IL5RA: variants seen among roughly 807,000 people sequenced by gnomAD.
IL5RA encodes the protein interleukin-5 receptor subunit alpha.
IL5RA carries 49 observed loss-of-function variants against 50.0 expected under a neutral mutation model. That is an observed-to-expected ratio of 0.98 (90% confidence interval 0.78 to 1.24). The LOEUF (loss-of-function observed/expected upper bound fraction) is 1.24, where lower values mean the gene tolerates loss of function less well. IL5RA is among the 50% of genes most tolerant of loss of function. The pLI is 0.00. For missense variants in IL5RA, 600 were observed against 500.4 expected (o/e 1.20, Z -1.90); for synonymous variants, 202 against 174.0 (o/e 1.16, Z -1.26).
At chr3:3,102,596 A>T in intron 4 of IL5RA, 79 bp downstream of exon 4, 1 of 1,049,828 alleles carries the variant, frequency 9.5e-7, no homozygotes, top group South Asian at 1.7e-5. Context: ...TTTTAATCCA[A>T]AATTTTATTT....
intron 10 of IL5RA, 101 bp downstream of exon 10, chr3:3,076,430 A>G (rs1702484984): frequency 2.7e-6 from 2 of 737,530 alleles, no homozygotes; most frequent in Non-Finnish European, 4.6e-6. Flanking sequence ...CACAAATTTT[A>G]CCTGATAATA....
rs1181176253 is a variant in IL5RA, at chr3:3,110,289, AG to A, written c.-491del. The A allele has an allele frequency of 6.6e-6, 1 of 152,234 alleles. No homozygotes were observed. The highest frequency in any genetic ancestry group is 2.4e-5 in the African/African-American group (1 of 41,448). 9.4% of individuals were successfully genotyped at this position (152,234 alleles called of 1,614,324 possible). A position where few individuals can be genotyped will look rare whatever the true frequency, so the allele number is the denominator to read the frequency against. On this transcript the variant is annotated 5_prime_UTR_variant, in exon 1 of 12. Transcript: ENST00000446632. ...CTTTCAGAGTTGGTTTGCTCTCTTC[AG>A]GAGTGGGAATTAACTTTTACTCATG...
At chr3:3,101,615 T>C (rs1703656196) in intron 5 of IL5RA, 77 bp downstream of exon 5, 3 of 1,442,718 alleles carry the variant, frequency 2.1e-6, no homozygotes, top group Non-Finnish European at 2.9e-6. Flanking sequence ...GAAAAGTGGG[T>C]TAGTGTTAAT....
At chr3:3,073,375 C>T (rs1439398626) in intron 11 of IL5RA, among the ~76,000 whole-genome samples, 3 of 152,170 alleles carry the variant, frequency 2.0e-5, no homozygotes, top group Admixed American at 6.5e-5. Context: ...ACTACAGCCG[C>T]GGGCCAAATC....
intron 9 of IL5RA, among the ~76,000 whole-genome samples, chr3:3,087,197 G>A (rs2125965982): frequency 6.6e-6 from 1 of 152,274 alleles, no homozygotes; most frequent in African/African-American, 2.4e-5. Context: ...AAAACCACTT[G>A]TACCCCTAAA....
At chr3:3,090,869 G>A (rs992282160) in intron 9 of IL5RA, among the ~76,000 whole-genome samples, 9 of 151,924 alleles carry the variant, frequency 5.9e-5, no homozygotes, top group African/African-American at 1.9e-4. Context: ...CACCACGCCC[G>A]GCCAACACAG....
In IL5RA at chr3:3,092,438, C is replaced by A; in HGVS notation, c.856-76G>T. ...TCTGCCGATTATCAGAATGGGAGGTCCTATATAGGTCATGTGACTCACTGT... is the reference window on the plus strand; with the variant it reads ...TCTGCCGATTATCAGAATGGGAGGTACTATATAGGTCATGTGACTCACTGT... On this transcript the variant is annotated intron_variant, in intron 8 of 11. Transcript: ENST00000446632. The surrounding 1 kb of genome is among the most constrained non-coding windows in gnomAD (Gnocchi z 4.2). The A allele has an allele frequency of 7.4e-7, 1 of 1,347,838 alleles. No homozygotes were observed. The highest frequency in any genetic ancestry group is 1.8e-5 in the Admixed American group (1 of 56,586). The allele number at this position is 1,347,838 out of a possible 1,614,324, so 83.5% of individuals were successfully genotyped here.
intron 4 of IL5RA, 152 bp downstream of exon 4, chr3:3,102,523 G>A (rs1204623838): frequency 7.5e-6 from 4 of 534,542 alleles, no homozygotes; most frequent in African/African-American, 4.0e-5. Context: ...TAGCTCACAG[G>A]CATTCTTAGA....
chr3:3,102,043 C>T (rs558982910), intron 4 of IL5RA, among the ~76,000 whole-genome samples: 4 of 152,226 alleles, frequency 2.6e-5, no homozygotes, highest in Admixed American at 2.0e-4. Context: ...TAAATACAAG[C>T]GAAATATTAC....
chr3:3,108,234 A>AC (rs1245195744), intron 2 of IL5RA, among the ~76,000 whole-genome samples: 1 of 152,166 alleles, frequency 6.6e-6, no homozygotes, highest in African/African-American at 2.4e-5. Flanking sequence ...ATATTGCATT[A>AC]CCCCCCAATG....
In IL5RA at chr3:3,070,038, G is replaced by A. The variant is rs1574970643; in HGVS notation, c.*187C>T. The A allele has an allele frequency of 1.3e-5, 7 of 539,308 alleles. No individual in the cohort carries two copies. In the East Asian group the frequency reaches 2.3e-4, roughly 17 times the overall value. 33.4% of individuals were successfully genotyped at this position (539,308 alleles called of 1,614,324 possible). On this transcript the variant is annotated 3_prime_UTR_variant, in exon 12 of 12. Transcript: ENST00000446632. ...GAGTCAACTTCCCTGCTGTAGGTGAGGCGATTTGGATGAAGCATCCATACT... is the reference window on the plus strand; with the variant it reads ...GAGTCAACTTCCCTGCTGTAGGTGAAGCGATTTGGATGAAGCATCCATACT...
rs559297933 is a variant in IL5RA, at chr3:3,083,532, A to G, written c.995-6905T>C. On this transcript the variant is annotated intron_variant, in intron 9 of 11. Transcript: ENST00000446632. ...CTGCAATATCCCCCAGTAGGACTAGACTTGATGAAGTTGAGTGGGGAATTC... is the reference window on the plus strand; with the variant it reads ...CTGCAATATCCCCCAGTAGGACTAGGCTTGATGAAGTTGAGTGGGGAATTC... 2.0e-5 allele frequency among the ~76,000 whole-genome samples: 3 copies of G among 152,278 alleles called. 1 individual carries two copies. The East Asian group carries it at 5.8e-4, about 29-fold the overall frequency.
rs766102744 is a variant in IL5RA, at chr3:3,098,141, A to G, written c.517T>C (p.Tyr173His). The change falls in exon 6 of 12, where the codon TAT becomes CAT. Residue 173 changes from tyrosine (Y) to histidine (H), a missense_variant. Transcript: ENST00000446632. ...AAAAATAGGTACAGTACTAACCTAT[A>G]GTAGAGAAAATACTGCGTGTCCTCA... is the stretch of plus-strand genomic sequence containing the variant. The part of the protein sequence containing the change: ...APEDTQYFLY[Y>H]RYGSWTEECQ... The G allele has an allele frequency of 1.2e-5, 20 of 1,614,100 alleles. No homozygotes were observed. The South Asian group carries it at 2.2e-4, about 18-fold the overall frequency.
intron 8 of IL5RA, among the ~76,000 whole-genome samples, chr3:3,094,389 T>G (rs1209566188): frequency 6.6e-6 from 1 of 152,260 alleles, no homozygotes; most frequent in African/African-American, 2.4e-5. Flanking sequence ...TGACTTATTT[T>G]GCTTAGCATA....
At chr3:3,075,203 C>CTTT (rs10642608) in intron 10 of IL5RA, among the ~76,000 whole-genome samples, 1,042 of 69,876 alleles carry the variant, frequency 0.015, 34 homozygotes, top group African/African-American at 0.04. Context: ...AGTTTACTTA[C>CTTT]TTTTTTTTTT....
rs1703666990 is a variant in IL5RA, at chr3:3,101,821, T to C, written c.238A>G (p.Arg80Gly). Residue 80 changes from arginine (R) to glycine (G), a missense_variant, in exon 5 of 12, where the codon AGA (arginine) becomes GGA (glycine). Coordinates refer to ENST00000446632, the MANE Select transcript of IL5RA (RefSeq NM_175726.4). ...NAPKEDDYET[R>G]ITESKCVTIL... ...GTTACACATTTGCTTTCAGTGATTCTGGTTTCATACTAAAAATAAAACCCA... is the reference window on the plus strand; with the variant it reads ...GTTACACATTTGCTTTCAGTGATTCCGGTTTCATACTAAAAATAAAACCCA... 2 of 1,613,644 alleles carry C rather than the reference T, an allele frequency of 1.2e-6. No individual in the cohort carries two copies. Among genetic ancestry groups the C allele is most frequent in the Non-Finnish European group, 1.7e-6 (2 of 1,179,896 alleles).
At chr3:3,071,429 G>T (rs1702292331) in intron 11 of IL5RA, among the ~76,000 whole-genome samples, 1 of 152,202 alleles carries the variant, frequency 6.6e-6, no homozygotes, top group African/African-American at 2.4e-5. Flanking sequence ...TTGGAGACCA[G>T]CCTGGTGAGA....
chr3:3,079,040 A>G (rs1279321637), intron 9 of IL5RA, among the ~76,000 whole-genome samples: 1 of 151,990 alleles, frequency 6.6e-6, no homozygotes, highest in Non-Finnish European at 1.5e-5. Flanking sequence ...CCTCAGCTTT[A>G]TTGCCCATAT....
At chr3:3,107,661 C>G (rs1354996565) in intron 2 of IL5RA, among the ~76,000 whole-genome samples, 1 of 152,164 alleles carries the variant, frequency 6.6e-6, no homozygotes, top group African/African-American at 2.4e-5. Flanking sequence ...CATGCTCAAT[C>G]TTTAAGAGAA....
Sources: gnomAD v4.1 joint callset for allele counts (sites outside exome capture counted in the v4.1 genomes callset) on GRCh38, gnomAD v4.1.1 for gene constraint, Gnocchi (gnomAD v3.1) non-coding constraint, MANE v1.5 for transcripts, NCBI Gene and HGNC (gene_info 2026-07-23, HGNC 2026-07-21) for gene names.